The following TBC1D5 variants were observed in gnomAD, a reference collection of about 807,000 sequenced individuals.
The protein encoded by TBC1D5 is TBC1 domain family, member 5.
Under a neutral mutation model 100.3 loss-of-function variants are expected in TBC1D5, and 75 were observed. The observed-to-expected ratio is 0.75, with a 90% confidence interval of 0.62 to 0.91. The LOEUF (loss-of-function observed/expected upper bound fraction) is 0.91. TBC1D5 is among the 40% of genes least tolerant of loss of function. TBC1D5 has a pLI of 0.00. For missense variants in TBC1D5, 910 were observed against 942.4 expected, an observed-to-expected ratio of 0.97 and a Z score of 0.45; for synonymous variants, 323 against 325.6, an observed-to-expected ratio of 0.99 and a Z score of 0.09.
At chr3:17,289,393 G>A (rs865914766) in intron 15 of TBC1D5, among the ~76,000 whole-genome samples, 1 of 152,236 alleles carries the variant, frequency 6.6e-6, no homozygotes, top group South Asian at 2.1e-4. Context: ...AGCTGGCAGA[G>A]TGACTGAGAG....
chr3:17,386,841 C>T (rs962397944), intron 8 of TBC1D5, among the ~76,000 whole-genome samples: 2 of 152,094 alleles, frequency 1.3e-5, no homozygotes, highest in African/African-American at 2.4e-5. Flanking sequence ...CACTGTATAT[C>T]AATTCCTGGT....
intron 2 of TBC1D5, among the ~76,000 whole-genome samples, chr3:17,511,603 C>T (rs539778723): frequency 1.2e-4 from 18 of 152,070 alleles, no homozygotes; most frequent in African/African-American, 3.1e-4. Flanking sequence ...GATATTCATA[C>T]GTTCATTTAA....
chr3:17,661,971 T>A (rs1453914629), intron 1 of TBC1D5, among the ~76,000 whole-genome samples: 1 of 152,030 alleles, frequency 6.6e-6, no homozygotes, highest in African/African-American at 2.4e-5. Flanking sequence ...GCTCACTGCA[T>A]CCTCAAACTC....
At chr3:17,341,701 T>C (rs915668912) in intron 13 of TBC1D5, among the ~76,000 whole-genome samples, 5 of 152,168 alleles carry the variant, frequency 3.3e-5, no homozygotes, top group African/African-American at 9.7e-5. Context: ...TTTAGACTAC[T>C]ACATTTAAAT....
intron 1 of TBC1D5, among the ~76,000 whole-genome samples, chr3:17,685,600 A>G (rs1476773536): frequency 6.6e-6 from 1 of 152,096 alleles, no homozygotes; most frequent in Non-Finnish European, 1.5e-5. Context: ...ATATTTTTCA[A>G]TACTATTGGT....
At position 17,643,144 on chromosome 3, in the gene TBC1D5, A is replaced by T. The variant is rs182247774; in HGVS notation, c.-100-19231T>A. On this transcript the variant is annotated intron_variant, in intron 1 of 21. Transcript: ENST00000253692. ...AATCTGTGGGAATTCCTTCTCTTTC[A>T]TGACTGTAATATTTTTTAAGAGTGC... is the stretch of plus-strand genomic sequence containing the variant. Among the ~76,000 whole-genome samples the T allele has an allele frequency of 5.8e-3, 885 of 151,994 alleles. 6 individuals carry two copies. The highest frequency in any genetic ancestry group is 0.01 in the Non-Finnish European group (708 of 67,940).
chr3:17,434,717 A>G (rs765171217), intron 3 of TBC1D5, among the ~76,000 whole-genome samples: 14 of 152,206 alleles, frequency 9.2e-5, no homozygotes, highest in Non-Finnish European at 1.8e-4. Context: ...GGTCTCTGAC[A>G]TGCCCTGGAG....
At chr3:17,368,123 T>C (rs1440086904) in intron 13 of TBC1D5, among the ~76,000 whole-genome samples, 1 of 138,258 alleles carries the variant, frequency 7.2e-6, no homozygotes, top group Non-Finnish European at 1.6e-5. Context: ...CAGTTAAATA[T>C]ATAAGTAACA....
At chr3:17,439,602 A>C (rs2094602330) in intron 3 of TBC1D5, among the ~76,000 whole-genome samples, 1 of 152,140 alleles carries the variant, frequency 6.6e-6, no homozygotes, top group Non-Finnish European at 1.5e-5. Context: ...AAATATTTTG[A>C]TTCCTACAAA....
At chr3:17,593,932 C>T (rs373407607) in intron 2 of TBC1D5, among the ~76,000 whole-genome samples, 12 of 152,282 alleles carry the variant, frequency 7.9e-5, no homozygotes, top group East Asian at 1.9e-4. Context: ...CCATGATTCA[C>T]GGCTCTAGGA....
chr3:17,656,132 T>C (rs140650813), intron 1 of TBC1D5, among the ~76,000 whole-genome samples: 2 of 152,340 alleles, frequency 1.3e-5, no homozygotes, highest in African/African-American at 4.8e-5. Context: ...GCATACTTTA[T>C]TGAAACTAGC....
chr3:17,187,799 T>C (rs970418172), intron 18 of TBC1D5, among the ~76,000 whole-genome samples: 3 of 152,206 alleles, frequency 2.0e-5, no homozygotes, highest in Middle Eastern at 3.2e-3. Flanking sequence ...GCCTTACAAG[T>C]GGCTACCAAC....
At chr3:17,612,763 A>G (rs1168086582) in intron 2 of TBC1D5, among the ~76,000 whole-genome samples, 1 of 152,180 alleles carries the variant, frequency 6.6e-6, no homozygotes, top group African/African-American at 2.4e-5. Context: ...AACTGAAAAT[A>G]AAACTCAATA....
rs150278130 is a variant in TBC1D5, at chr3:17,326,742, G to A, written c.996-18608C>T. Reference sequence around the variant, plus strand: ...AACCACCTTGGCCTCCTAAAGTCCTGAGATTGCTGGCATGAGCCAGGGCAG... The same window carrying A: ...AACCACCTTGGCCTCCTAAAGTCCTAAGATTGCTGGCATGAGCCAGGGCAG... On this transcript the variant is annotated intron_variant, in intron 13 of 21. Coordinates refer to ENST00000253692, the Ensembl canonical transcript of TBC1D5. 6.1e-3 allele frequency among the ~76,000 whole-genome samples: 929 copies of A among 152,312 alleles called. 5 individuals are homozygous for A. Among genetic ancestry groups the A allele is most frequent in the Middle Eastern group, 0.017 (5 of 294 alleles).
intron 2 of TBC1D5, among the ~76,000 whole-genome samples, chr3:17,594,916 TG>T (rs2060470545): frequency 6.6e-6 from 1 of 152,142 alleles, no homozygotes; most frequent in African/African-American, 2.4e-5. Flanking sequence ...TGGGTGTGTC[TG>T]CAAGGGTGCT....
chr3:17,340,064 T>C (rs1376334069), intron 13 of TBC1D5, among the ~76,000 whole-genome samples: 1 of 152,178 alleles, frequency 6.6e-6, no homozygotes, highest in Non-Finnish European at 1.5e-5. Flanking sequence ...GCTAGAAGAA[T>C]GGTAAACAGT....
At chr3:17,408,203 A>G (rs532797099) in intron 4 of TBC1D5, among the ~76,000 whole-genome samples, 2 of 151,852 alleles carry the variant, frequency 1.3e-5, no homozygotes, top group African/African-American at 4.8e-5. Flanking sequence ...GAGTAATAAC[A>G]ATCTACTTAA....
intron 2 of TBC1D5, among the ~76,000 whole-genome samples, chr3:17,604,943 T>G (rs2061244395): frequency 6.6e-6 from 1 of 152,214 alleles, no homozygotes; most frequent in Non-Finnish European, 1.5e-5. Context: ...CCCAAAGTGC[T>G]GGGATTGCAC....
intron 3 of TBC1D5, among the ~76,000 whole-genome samples, chr3:17,466,394 G>A (rs1427725749): frequency 2.0e-5 from 3 of 152,174 alleles, no homozygotes; most frequent in Non-Finnish European, 2.9e-5. Flanking sequence ...AACATAAAGG[G>A]TATCTATACA....
Sources: allele counts gnomAD v4.1 joint callset (sites outside exome capture counted in the v4.1 genomes callset), GRCh38; gene constraint gnomAD v4.1.1; transcripts MANE v1.5; gene names NCBI Gene and HGNC (gene_info 2026-07-23, HGNC 2026-07-21).